CACNA1E: variants seen among roughly 807,000 people sequenced by gnomAD.
CACNA1E encodes calcium voltage-gated channel subunit alpha1 E.
A neutral mutation model predicts 259.2 loss-of-function variants in CACNA1E; 40 were observed. The ratio of observed to expected loss-of-function variants is 0.15; its 90% CI spans 0.12 to 0.20. CACNA1E has a LOEUF of 0.20. Ranked by LOEUF, CACNA1E falls within the 10% of genes least tolerant of loss-of-function variation. CACNA1E has a pLI of 1.00. For synonymous variants in CACNA1E, 1,104 were observed against 1,138.5 expected (o/e 0.97, Z 0.61); for missense variants, 1,874 against 3,040.1 (o/e 0.62, Z 9.02).
chr1:181,626,423 G>A (rs1305785439), intron 6 of CACNA1E, among the ~76,000 whole-genome samples: 3 of 152,208 alleles, frequency 2.0e-5, no homozygotes, highest in Non-Finnish European at 2.9e-5. Flanking sequence ...CCAGGTTAGA[G>A]AATTCTGCTT....
At chr1:181,502,610 T>C (rs935303399) in intron 1 of CACNA1E, among the ~76,000 whole-genome samples, 5 of 152,230 alleles carry the variant, frequency 3.3e-5, no homozygotes, top group Non-Finnish European at 7.3e-5. Flanking sequence ...GACTTCTACT[T>C]TATGCCATGA....
chr1:181,387,703 G>T (rs192585353), intron 1 of CACNA1E, among the ~76,000 whole-genome samples: 2 of 152,334 alleles, frequency 1.3e-5, no homozygotes, highest in African/African-American at 4.8e-5. Flanking sequence ...TTGGAACAGG[G>T]ATCCTGCCCT....
chr1:181,647,710 C>T (rs187784409), intron 6 of CACNA1E, among the ~76,000 whole-genome samples: 1 of 152,298 alleles, frequency 6.6e-6, no homozygotes, highest in Admixed American at 6.5e-5. Context: ...ATTGAAGCCC[C>T]AACTGGCATC....
intron 24 of CACNA1E, 112 bp downstream of exon 24, chr1:181,738,538 C>G (rs373383941): frequency 8.3e-5 from 68 of 818,326 alleles, no homozygotes; most frequent in East Asian, 4.1e-4. Flanking sequence ...TGGCAGCCCT[C>G]AGTAGAGCTT....
rs986188761 is a variant in CACNA1E at position 181,732,506 on chromosome 1, C to T, written c.2420C>T (p.Pro807Leu). ...LNREEAPTMNPLNPLNPLSSL... is the reference protein window; with the variant it reads ...LNREEAPTMNLLNPLNPLSSL... ...AGAGAGGAGGCGCCGACCATGAACC[C>T]GCTCAACCCCCTCAACCCGCTCAGC... Residue 807 changes from proline to leucine, a missense_variant, in exon 20 of 48, where the codon CCG becomes CTG. By Grantham distance (98) the Pro-to-Leu change is moderately conservative. Transcript: ENST00000367573. The surrounding 1 kb of genome is among the most constrained non-coding windows in gnomAD (Gnocchi z 5.5). The T allele has an allele frequency of 3.9e-6, 6 of 1,551,458 alleles. No individual in the cohort carries two copies. Among genetic ancestry groups the T allele is most frequent in the East Asian group, 2.4e-5 (1 of 40,888 alleles).
chr1:181,807,924 T>C lies in CACNA1E; in HGVS notation c.*9090T>C, dbSNP rs1426681406. ...CTGACAACCTTTAACTTCACACTTT[T>C]ATGAGATAATAAGTTGGTTTCTTGG... On this transcript the variant is annotated 3_prime_UTR_variant, in exon 48 of 48. Transcript: ENST00000367573. 2 of 152,210 alleles carry C rather than the reference T, an allele frequency of 1.3e-5. No individual in the cohort carries two copies. Among genetic ancestry groups the C allele is most frequent in the Non-Finnish European group, 2.9e-5 (2 of 68,038 alleles). The allele number at this position is 152,210 out of a possible 1,614,324, so 9.4% of individuals were successfully genotyped here.
intron 29 of CACNA1E, 86 bp downstream of exon 29, chr1:181,756,179 C>G: frequency 1.5e-6 from 2 of 1,305,850 alleles, no homozygotes; most frequent in Non-Finnish European, 2.1e-6. Flanking sequence ...GAACAAGGCT[C>G]ACGCTTTGTT....
At chr1:181,594,253 C>G (rs1191545216) in intron 6 of CACNA1E, among the ~76,000 whole-genome samples, 1 of 151,978 alleles carries the variant, frequency 6.6e-6, no homozygotes, top group Non-Finnish European at 1.5e-5. Context: ...CTTTTCCATT[C>G]TAGTGATACT....
intron 1 of CACNA1E, among the ~76,000 whole-genome samples, chr1:181,500,992 C>T (rs550899094): frequency 3.3e-4 from 51 of 152,302 alleles, no homozygotes; most frequent in African/African-American, 1.2e-3. Context: ...CACGTTGCTG[C>T]CAGAACTCTT....
At chr1:181,478,442 C>T (rs955665724) in intron 2 of CACNA1E, among the ~76,000 whole-genome samples, 31 of 152,186 alleles carry the variant, frequency 2.0e-4, no homozygotes, top group African/African-American at 7.2e-4. Context: ...CCATAATGCT[C>T]CTCTGCTCCA....
intron 6 of CACNA1E, among the ~76,000 whole-genome samples, chr1:181,626,250 G>A (rs1656188714): frequency 6.6e-6 from 1 of 152,170 alleles, no homozygotes; most frequent in South Asian, 2.1e-4. Context: ...TGGAAAAATA[G>A]CATCCATAGT....
intron 7 of CACNA1E, among the ~76,000 whole-genome samples, chr1:181,703,573 A>G (rs188043841): frequency 1.8e-4 from 27 of 152,260 alleles, no homozygotes; most frequent in African/African-American, 6.3e-4. Flanking sequence ...CCCTGTGTCT[A>G]CTCAAACAAA....
intron 1 of CACNA1E, among the ~76,000 whole-genome samples, chr1:181,327,681 G>T (rs1488835727): frequency 1.3e-5 from 2 of 152,224 alleles, no homozygotes; most frequent in Non-Finnish European, 2.9e-5. Context: ...CTCTAGGAAA[G>T]GTTCTGGGTT....
At chr1:181,459,401 T>G (rs949415330) in intron 2 of CACNA1E, among the ~76,000 whole-genome samples, 12 of 152,240 alleles carry the variant, frequency 7.9e-5, no homozygotes, top group African/African-American at 2.9e-4. Flanking sequence ...CTCCCAGCCT[T>G]GCTTGTTGTT....
At chr1:181,533,458 C>T (rs1667933708) in intron 3 of CACNA1E, among the ~76,000 whole-genome samples, 1 of 150,972 alleles carries the variant, frequency 6.6e-6, no homozygotes, top group Non-Finnish European at 1.5e-5. Flanking sequence ...TATATGTGGT[C>T]TGTTTTTAGG....
chr1:181,613,472 A>G (rs1375966160), intron 6 of CACNA1E, among the ~76,000 whole-genome samples: 1 of 152,228 alleles, frequency 6.6e-6, no homozygotes, highest in Non-Finnish European at 1.5e-5. Flanking sequence ...GAACATATTT[A>G]CTATGATTAA....
chr1:181,641,241 C>T (rs990644174), intron 6 of CACNA1E, among the ~76,000 whole-genome samples: 1 of 152,146 alleles, frequency 6.6e-6, no homozygotes, highest in Admixed American at 6.5e-5. Flanking sequence ...CTTATAGCGG[C>T]TTAGCAGTGT....
At chr1:181,650,093 A>G (rs1352898268) in intron 6 of CACNA1E, among the ~76,000 whole-genome samples, 1 of 152,236 alleles carries the variant, frequency 6.6e-6, no homozygotes, top group Non-Finnish European at 1.5e-5. Flanking sequence ...GGACTGGAAT[A>G]TTTGAATGGG....
intron 1 of CACNA1E, among the ~76,000 whole-genome samples, chr1:181,400,463 C>T (rs1424068650): frequency 6.6e-6 from 1 of 152,092 alleles, no homozygotes; most frequent in African/African-American, 2.4e-5. Flanking sequence ...GAAGAGGGCC[C>T]TCCTTGTCTG....
Sources: allele counts gnomAD v4.1 joint callset (sites outside exome capture counted in the v4.1 genomes callset), GRCh38; gene constraint gnomAD v4.1.1; non-coding constraint Gnocchi (gnomAD v3.1); transcripts MANE v1.5; gene names NCBI Gene and HGNC (gene_info 2026-07-23, HGNC 2026-07-21).